NPR3: variants seen among roughly 807,000 people sequenced by gnomAD.
The protein encoded by NPR3 is natriuretic peptide receptor 3.
A neutral mutation model predicts 54.5 loss-of-function variants in NPR3; 34 were observed. The ratio of observed to expected loss-of-function variants is 0.62; its 90% CI spans 0.47 to 0.83. The LOEUF is 0.83. NPR3 is among the 40% of genes least tolerant of loss of function. The probability of loss-of-function intolerance (pLI) is 0.00; values close to 1 mark genes in which losing one functional copy is unlikely to be tolerated. For missense variants in NPR3, 674 were observed against 720.8 expected (o/e 0.94, Z 0.74); for synonymous variants, 289 against 297.1 (o/e 0.97, Z 0.28).
chr5:32,710,650 C>A, upstream of NPR3: 1 of 1,496,406 alleles, frequency 6.7e-7, no homozygotes, highest in South Asian at 1.3e-5. Flanking sequence ...CAGCCGGGCA[C>A]ACCAGGTCCG....
In NPR3 at chr5:32,784,670, A is replaced by G. The variant is rs2246427; in HGVS notation, c.1427-126A>G. 0.22 allele frequency: 153,186 copies of G among 700,180 alleles called. 17,300 individuals are homozygous for G. The highest frequency in any genetic ancestry group is 0.29 in the South Asian group (16,303 of 55,824). 43.4% of individuals were successfully genotyped at this position (700,180 alleles called of 1,614,324 possible). A position where few individuals can be genotyped will look rare whatever the true frequency, so the allele number is the denominator to read the frequency against. On this transcript the variant is annotated intron_variant, in intron 6 of 7. Transcript: ENST00000265074. ...AAACAAGTGTAGGGTCCCTTAGAAA[A>G]TATTTCTGAAAAAGGAAAAGTTGCC...
chr5:32,723,895 CCCTT>C (rs1738998073), intron 1 of NPR3, among the ~76,000 whole-genome samples: 2 of 152,048 alleles, frequency 1.3e-5, no homozygotes, highest in Admixed American at 1.3e-4. Flanking sequence ...CCCCTCCTCT[CCCTT>C]CCTTTCTTCT....
chr5:32,745,046 T>C (rs1228659877), intron 3 of NPR3, among the ~76,000 whole-genome samples: 1 of 152,202 alleles, frequency 6.6e-6, no homozygotes, highest in Admixed American at 6.5e-5. Context: ...TGGTGGAAAC[T>C]GAGGCTGAGA....
At chr5:32,693,932 C>T (rs1235142247) in intron 1 of NPR3, among the ~76,000 whole-genome samples, 3 of 152,226 alleles carry the variant, frequency 2.0e-5, no homozygotes, top group Non-Finnish European at 4.4e-5. Flanking sequence ...GCTTCCGGCT[C>T]TCCTTCGTCC....
chr5:32,727,260 G>C (rs1364011633), intron 2 of NPR3, among the ~76,000 whole-genome samples: 2 of 152,054 alleles, frequency 1.3e-5, no homozygotes, highest in African/African-American at 4.8e-5. Context: ...CTGAGTAGCT[G>C]GGACTACAGG....
Position 32,788,406 on chromosome 5 carries a change from T to G in NPR3, c.*2061T>G, listed in dbSNP as rs918154190. ...CCCAAAGTGAAACAGCAAGGAAGGA[T>G]TGTGTCCATCTTACTTACTTGAATT... On this transcript the variant is annotated 3_prime_UTR_variant, in exon 8 of 8. Coordinates refer to ENST00000265074, the MANE Select transcript of NPR3 (RefSeq NM_001204375.2). 6.6e-6 allele frequency: 1 copy of G among 152,246 alleles called. No individual in the cohort carries two copies. The highest frequency in any genetic ancestry group is 2.1e-4 in the South Asian group (1 of 4,834). 9.4% of individuals were successfully genotyped at this position (152,246 alleles called of 1,614,324 possible).
chr5:32,745,871 G>A (rs1740269794), intron 3 of NPR3, among the ~76,000 whole-genome samples: 3 of 152,118 alleles, frequency 2.0e-5, no homozygotes, highest in Admixed American at 2.0e-4. Flanking sequence ...TTTATTGAGT[G>A]CTCCAGAAAT....
chr5:32,786,603 A>C lies in NPR3; in HGVS notation c.*258A>C. ...TAAATGTTCATACTGTTTCAAGCCC[A>C]TATGATTAGATTTATGTTTTTAAAA... On this transcript the variant is annotated 3_prime_UTR_variant, in exon 8 of 8. Coordinates refer to ENST00000265074, the MANE Select transcript of NPR3 (RefSeq NM_001204375.2). 1 of 402,290 alleles carries C rather than the reference A, an allele frequency of 2.5e-6. No homozygotes were observed. The highest frequency in any genetic ancestry group is 4.3e-6 in the Non-Finnish European group (1 of 230,964). 24.9% of individuals were successfully genotyped at this position (402,290 alleles called of 1,614,324 possible). A position where few individuals can be genotyped will look rare whatever the true frequency, so the allele number is the denominator to read the frequency against.
chr5:32,738,294 C>G (rs955005513), intron 2 of NPR3, among the ~76,000 whole-genome samples: 1 of 152,018 alleles, frequency 6.6e-6, no homozygotes, highest in African/African-American at 2.4e-5. Flanking sequence ...CCCTGCCCCC[C>G]ACCCCCTGAT....
chr5:32,733,174 T>C (rs995224131), intron 2 of NPR3, among the ~76,000 whole-genome samples: 2 of 152,138 alleles, frequency 1.3e-5, no homozygotes, highest in East Asian at 3.9e-4. Flanking sequence ...ACTACTTACT[T>C]GATGTTGGAT....
intron 2 of NPR3, among the ~76,000 whole-genome samples, chr5:32,728,792 C>G (rs185584434): frequency 2.3e-4 from 30 of 128,788 alleles, no homozygotes; most frequent in Non-Finnish European, 4.0e-4. Flanking sequence ...AGATTCCAAG[C>G]TTTTATTTGG....
At chr5:32,721,412 A>G (rs1738853171) in intron 1 of NPR3, among the ~76,000 whole-genome samples, 1 of 152,214 alleles carries the variant, frequency 6.6e-6, no homozygotes, top group Admixed American at 6.5e-5. Flanking sequence ...CTGTAATCTC[A>G]GCACTTTGGG....
chr5:32,696,774 C>G (rs1740542516), intron 1 of NPR3, among the ~76,000 whole-genome samples: 1 of 152,028 alleles, frequency 6.6e-6, no homozygotes, highest in Non-Finnish European at 1.5e-5. Context: ...AGCGGGATTA[C>G]TCTCTTGATT....
rs1022169819 is a variant in NPR3, at chr5:32,732,197, C to T, written c.893-6667C>T. Among the ~76,000 whole-genome samples the T allele has an allele frequency of 1.2e-4, 17 of 136,038 alleles. 1 individual carries two copies. The highest frequency in any genetic ancestry group is 4.9e-4 in the South Asian group (2 of 4,044). 89.2% of individuals were successfully genotyped at this position (136,038 alleles called of 152,430 possible). A position where few individuals can be genotyped will look rare whatever the true frequency, so the allele number is the denominator to read the frequency against. ...CGGAGCTTGCAGTGAGCCGAGATTG[C>T]GCCACTGCAGTCCGCAGTCCGGCCT... On this transcript the variant is annotated intron_variant, in intron 2 of 7. Coordinates refer to ENST00000265074, the MANE Select transcript of NPR3 (RefSeq NM_001204375.2).
rs1226214760 is a variant in NPR3, at chr5:32,711,676, G to T, written c.-101G>T. Reference sequence around the variant, plus strand: ...ATTTTGTTAAAGCGCCCAAGGGGGCGCAGGGACCTTGGAGAGAAGAGTGGG... The same window carrying T: ...ATTTTGTTAAAGCGCCCAAGGGGGCTCAGGGACCTTGGAGAGAAGAGTGGG... On this transcript the variant is annotated 5_prime_UTR_variant, in exon 1 of 8. Transcript: ENST00000265074. 14 of 1,325,804 alleles carry T rather than the reference G, an allele frequency of 1.1e-5. No individual in the cohort carries two copies. The East Asian group carries it at 1.2e-4, about 11-fold the overall frequency. The allele number at this position is 1,325,804 out of a possible 1,614,324, so 82.1% of individuals were successfully genotyped here.
In NPR3 at chr5:32,711,566, C is replaced by CTTTTTCTTTTTCT. The variant is rs1024802849; in HGVS notation, c.-206_-205insCTTTTTCTTTTTT. On this transcript the variant is annotated 5_prime_UTR_variant, in exon 1 of 8. Coordinates refer to ENST00000265074, the MANE Select transcript of NPR3 (RefSeq NM_001204375.2). ...CGGTGAACTTTTTCTTTTTCTTTTT[C>CTTTTTCTTTTTCT]TTTTTTTTTTAAGAAAAACTAGTGA... 2 of 1,120,908 alleles carry CTTTTTCTTTTTCT rather than the reference C, an allele frequency of 1.8e-6. No homozygotes were observed. Among genetic ancestry groups the CTTTTTCTTTTTCT allele is most frequent in the African/African-American group, 1.6e-5 (1 of 61,224 alleles). The allele number at this position is 1,120,908 out of a possible 1,614,324, so 69.4% of individuals were successfully genotyped here. A position where few individuals can be genotyped will look rare whatever the true frequency, so the allele number is the denominator to read the frequency against.
intron 1 of NPR3, among the ~76,000 whole-genome samples, chr5:32,704,238 A>G (rs1055380959): frequency 3.3e-5 from 5 of 152,160 alleles, no homozygotes; most frequent in African/African-American, 1.2e-4. Flanking sequence ...GGATGGGGGA[A>G]GGTTGGCATT....
At position 32,780,080 on chromosome 5, in the gene NPR3, A is replaced by G. The variant is rs962235894; in HGVS notation, c.1196-642A>G. Among the ~76,000 whole-genome samples the G allele has an allele frequency of 1.5e-4, 23 of 152,230 alleles. 1 individual carries two copies. The highest frequency in any genetic ancestry group is 4.4e-5 in the Non-Finnish European group (3 of 68,036). On this transcript the variant is annotated intron_variant, in intron 4 of 7. Coordinates refer to ENST00000265074, the MANE Select transcript of NPR3 (RefSeq NM_001204375.2). The stretch of plus-strand genomic sequence containing the variant: ...TCCCCAGTCCAGGCTGCCCCTCTCT[A>G]GAGCAGAGAATGTGTTCAATTTATC...
Position 32,790,812 on chromosome 5 carries a change from G to C in NPR3, c.*4467G>C, listed in dbSNP as rs73073697. Reference sequence around the variant, plus strand: ...AATGGAAGTGTTTCAATGGGAGCCAGATCTCATGAGTAAAAATCCATTTTA... The same window carrying C: ...AATGGAAGTGTTTCAATGGGAGCCACATCTCATGAGTAAAAATCCATTTTA... On this transcript the variant is annotated 3_prime_UTR_variant, in exon 8 of 8. Coordinates refer to ENST00000265074, the MANE Select transcript of NPR3 (RefSeq NM_001204375.2). 0.12 allele frequency: 20,089 copies of C among 167,070 alleles called. 1,458 individuals carry two copies. The highest frequency in any genetic ancestry group is 0.19 in the African/African-American group (7,866 of 41,486). The allele number at this position is 167,070 out of a possible 1,614,324, so 10.3% of individuals were successfully genotyped here.
Sources: allele counts gnomAD v4.1 joint callset (sites outside exome capture counted in the v4.1 genomes callset), GRCh38; gene constraint gnomAD v4.1.1; transcripts MANE v1.5; gene names NCBI Gene and HGNC (gene_info 2026-07-23, HGNC 2026-07-21).